The following CNTNAP2 variants were observed in gnomAD, a reference collection of about 807,000 sequenced individuals.
CNTNAP2 encodes the protein contactin-associated protein-like 2.
In CNTNAP2, 98 loss-of-function variants were observed where a neutral mutation model predicts 155.2. That is an observed-to-expected ratio of 0.63 (90% confidence interval 0.54 to 0.75). The LOEUF is 0.75. Among genes scored for constraint, CNTNAP2 ranks in the 30% least tolerant of loss-of-function variants. The pLI is 0.00. For missense variants in CNTNAP2, 1,727 were observed against 1,688.1 expected, an observed-to-expected ratio of 1.02 and a Z score of -0.40; for synonymous variants, 651 against 631.2, an observed-to-expected ratio of 1.03 and a Z score of -0.47.
chr7:146,149,879 G>GAAAAAAAAAAAAAAAAAAAAACAAAAAAA (rs377385260), intron 1 of CNTNAP2, among the ~76,000 whole-genome samples: 1 of 59,514 alleles, frequency 1.7e-5, no homozygotes, highest in Non-Finnish European at 3.3e-5. Flanking sequence ...TAGCCACAAA[G>GAAAAAAAAAAAAAAAAAAAAACAAAAAAA]AAAAAAAAAA....
chr7:147,638,250 T>C (rs949630065), intron 12 of CNTNAP2, among the ~76,000 whole-genome samples: 2 of 152,126 alleles, frequency 1.3e-5, no homozygotes, highest in Non-Finnish European at 2.9e-5. Flanking sequence ...TCTTGCACAT[T>C]TCCAGCCGTA....
intron 3 of CNTNAP2, among the ~76,000 whole-genome samples, chr7:147,023,071 T>C (rs1039501481): frequency 3.9e-5 from 6 of 152,170 alleles, no homozygotes; most frequent in Middle Eastern, 3.2e-3. Context: ...TCAGGGTTCC[T>C]TGCTTCATGA....
At chr7:146,990,514 G>T (rs1056962618) in intron 3 of CNTNAP2, among the ~76,000 whole-genome samples, 1 of 152,066 alleles carries the variant, frequency 6.6e-6, no homozygotes, top group Non-Finnish European at 1.5e-5. Flanking sequence ...TTGGTTTTAA[G>T]ATTGTTTCAT....
In CNTNAP2 at chr7:147,998,274, G is replaced by C. The variant is rs528651476; in HGVS notation, c.2383+20285G>C. On this transcript the variant is annotated intron_variant, in intron 15 of 23. Coordinates refer to ENST00000361727, the MANE Select transcript of CNTNAP2 (RefSeq NM_014141.6). The stretch of plus-strand genomic sequence containing the variant: ...TTACAGGCGCCCGCCACCACGTCTG[G>C]CTAATTTTTTGTATTTTTAGTAGAG... 2.0e-5 allele frequency among the ~76,000 whole-genome samples: 3 copies of C among 152,024 alleles called. No individual in the cohort carries two copies. The East Asian group carries it at 5.8e-4, about 30-fold the overall frequency.
intron 21 of CNTNAP2, among the ~76,000 whole-genome samples, chr7:148,272,695 T>C (rs917415656): frequency 3.9e-5 from 6 of 152,164 alleles, no homozygotes; most frequent in Non-Finnish European, 8.8e-5. Context: ...CCCAGCATCA[T>C]GAAAAAACTT....
At chr7:147,300,668 C>A (rs1277173949) in intron 9 of CNTNAP2, among the ~76,000 whole-genome samples, 6 of 152,172 alleles carry the variant, frequency 3.9e-5, no homozygotes, top group Non-Finnish European at 7.3e-5. Context: ...CGCAGTTTCT[C>A]TGGATCAGGA....
At chr7:147,888,146 A>G (rs909529742) in intron 13 of CNTNAP2, among the ~76,000 whole-genome samples, 4 of 152,206 alleles carry the variant, frequency 2.6e-5, no homozygotes, top group African/African-American at 9.6e-5. Context: ...GTGAATCAAT[A>G]GAGATAACTA....
chr7:146,956,662 C>T (rs995898207), intron 3 of CNTNAP2, among the ~76,000 whole-genome samples: 3 of 152,108 alleles, frequency 2.0e-5, no homozygotes, highest in Admixed American at 1.3e-4. Flanking sequence ...CAGCACTTTT[C>T]TTTTGGGATT....
At chr7:146,900,252 G>A (rs1207421711) in intron 3 of CNTNAP2, among the ~76,000 whole-genome samples, 2 of 152,090 alleles carry the variant, frequency 1.3e-5, no homozygotes, top group African/African-American at 4.8e-5. Flanking sequence ...AATTCTGTCA[G>A]TTCTGTCATC....
At chr7:147,479,069 C>A (rs1199271575) in intron 10 of CNTNAP2, among the ~76,000 whole-genome samples, 1 of 152,192 alleles carries the variant, frequency 6.6e-6, no homozygotes, top group African/African-American at 2.4e-5. Flanking sequence ...TGTGTGCAGA[C>A]TTTCTTCTCT....
chr7:147,598,573 C>G (rs1321560940), intron 12 of CNTNAP2, among the ~76,000 whole-genome samples: 4 of 152,108 alleles, frequency 2.6e-5, no homozygotes. Flanking sequence ...TATTCAGCAT[C>G]CTCATTTGTA....
intron 1 of CNTNAP2, among the ~76,000 whole-genome samples, chr7:146,381,342 C>T (rs1795386259): frequency 6.6e-6 from 1 of 152,096 alleles, no homozygotes; most frequent in African/African-American, 2.4e-5. Context: ...AGTAGAGTTA[C>T]AATATTAATC....
intron 12 of CNTNAP2, among the ~76,000 whole-genome samples, chr7:147,632,592 T>A (rs1795105701): frequency 6.6e-6 from 1 of 152,162 alleles, no homozygotes; most frequent in African/African-American, 2.4e-5. Context: ...ACTCTTTCCT[T>A]TATAAATTAC....
At chr7:146,790,603 T>C (rs1451472112) in intron 2 of CNTNAP2, among the ~76,000 whole-genome samples, 1 of 149,302 alleles carries the variant, frequency 6.7e-6, no homozygotes, top group Non-Finnish European at 1.5e-5. Flanking sequence ...GGAGTCTCGC[T>C]CTGTCGCCCA....
At chr7:147,692,053 C>T (rs1034051227) in intron 13 of CNTNAP2, among the ~76,000 whole-genome samples, 6 of 152,094 alleles carry the variant, frequency 3.9e-5, no homozygotes, top group African/African-American at 1.4e-4. Context: ...AACTATTGAT[C>T]TTTTTACTGT....
intron 8 of CNTNAP2, among the ~76,000 whole-genome samples, chr7:147,182,633 C>G (rs1169800313): frequency 6.6e-6 from 1 of 151,892 alleles, no homozygotes; most frequent in African/African-American, 2.4e-5. Flanking sequence ...AAAAAAAACC[C>G]TTTTATGTGG....
chr7:147,264,437 A>G (rs775672503), intron 8 of CNTNAP2, among the ~76,000 whole-genome samples: 7 of 152,018 alleles, frequency 4.6e-5, no homozygotes, highest in Non-Finnish European at 8.8e-5. Flanking sequence ...TAAGAGTCTA[A>G]GGGGAAGTGG....
intron 18 of CNTNAP2, 34 bp downstream of exon 18, chr7:148,172,512 C>T (rs775193230): frequency 5.4e-5 from 85 of 1,572,072 alleles, no homozygotes; most frequent in South Asian, 2.9e-4. Flanking sequence ...GCCACTTTTG[C>T]GTGTCTTTTT....
intron 9 of CNTNAP2, among the ~76,000 whole-genome samples, chr7:147,307,770 G>A (rs555190054): frequency 6.6e-6 from 1 of 152,228 alleles, no homozygotes; most frequent in African/African-American, 2.4e-5. Context: ...TCGCTTTGAT[G>A]TTTTCATTCA....
Sources: gnomAD v4.1 joint callset for allele counts (sites outside exome capture counted in the v4.1 genomes callset) on GRCh38, gnomAD v4.1.1 for gene constraint, MANE v1.5 for transcripts, NCBI Gene and HGNC (gene_info 2026-07-23, HGNC 2026-07-21) for gene names.